ACER3: variants seen among roughly 807,000 people sequenced by gnomAD.
ACER3 encodes alkaline ceramidase 3.
In ACER3, 16 loss-of-function variants were observed where a neutral mutation model predicts 48.9. That is an observed-to-expected ratio of 0.33 (90% confidence interval 0.22 to 0.50). The LOEUF is 0.50. Ranked by LOEUF, ACER3 falls within the 20% of genes least tolerant of loss-of-function variation. The pLI, the probability that ACER3 is intolerant of heterozygous loss-of-function variation, is 0.98. For synonymous variants in ACER3, 109 were observed against 107.8 expected, an observed-to-expected ratio of 1.01 and a Z score of -0.07; for missense variants, 227 against 326.0, an observed-to-expected ratio of 0.70 and a Z score of 2.34.
chr11:76,861,075 G>A lies in ACER3; in HGVS notation c.99G>A (p.Glu33=), dbSNP rs1391392217. The change falls in exon 1 of 11, where the codon GAG becomes GAA. Residue 33 remains glutamate, a synonymous_variant. Transcript: ENST00000532485. The part of the protein sequence containing the change: ...ENYSVTWYIA[E]FWNTVSNLIM... ...ACTCCGTGACCTGGTACATCGCCGA[G>A]TTCTGTGAGTGTGGCCTGAGGAGGG... is the stretch of plus-strand genomic sequence containing the variant. 6.5e-7 allele frequency: 1 copy of A among 1,544,060 alleles called. No homozygotes were observed. Among genetic ancestry groups the A allele is most frequent in the East Asian group, 2.5e-5 (1 of 40,422 alleles).
intron 2 of ACER3, among the ~76,000 whole-genome samples, chr11:76,933,589 A>G (rs1396917590): frequency 1.3e-5 from 2 of 152,018 alleles, no homozygotes; most frequent in African/African-American, 2.4e-5. Flanking sequence ...CAGAGAGCAC[A>G]GGGTTGGGGG....
In ACER3 at chr11:77,016,672, C is replaced by T. The variant is rs782066618; in HGVS notation, c.600-3C>T. ...ACGTGATTTTCTCCCTCTCTCCACA[C>T]AGGAACTTTCGAAAGAAGGTACCAC... On this transcript the variant is annotated splice_polypyrimidine_tract_variant and splice_region_variant and intron_variant, in intron 8 of 10. Transcript: ENST00000532485. The T allele has an allele frequency of 2.6e-5, 40 of 1,533,992 alleles. No individual in the cohort carries two copies. In the South Asian group the frequency reaches 4.0e-4, roughly 15 times the overall value.
At chr11:76,923,550 G>A (rs1565179114) in intron 1 of ACER3, among the ~76,000 whole-genome samples, 4 of 151,962 alleles carry the variant, frequency 2.6e-5, no homozygotes, top group Admixed American at 2.0e-4. Context: ...ACCTGACATC[G>A]TGCTTTTTTT....
intron 1 of ACER3, among the ~76,000 whole-genome samples, chr11:76,924,708 T>C (rs1946772328): frequency 6.6e-6 from 1 of 152,088 alleles, no homozygotes; most frequent in South Asian, 2.1e-4. Flanking sequence ...ACTAAATAAG[T>C]AGTTAGGATG....
intron 2 of ACER3, among the ~76,000 whole-genome samples, chr11:76,951,842 T>G (rs545124432): frequency 6.6e-6 from 1 of 152,308 alleles, no homozygotes; most frequent in Admixed American, 6.5e-5. Context: ...TGACAGCCCT[T>G]TAAAATACAT....
chr11:76,920,542 T>C (rs1477350945), intron 1 of ACER3, among the ~76,000 whole-genome samples: 1 of 152,170 alleles, frequency 6.6e-6, no homozygotes. Context: ...GAGTTTTCTT[T>C]ACTTGTGACT....
chr11:76,936,304 C>T (rs939924317), intron 2 of ACER3, among the ~76,000 whole-genome samples: 1 of 152,188 alleles, frequency 6.6e-6, no homozygotes, highest in African/African-American at 2.4e-5. Flanking sequence ...AAGATGACAT[C>T]TCTAGTCACT....
intron 3 of ACER3, among the ~76,000 whole-genome samples, chr11:76,966,143 G>C (rs1257704414): frequency 6.6e-6 from 1 of 152,026 alleles, no homozygotes; most frequent in African/African-American, 2.4e-5. Flanking sequence ...AACAAAAAAA[G>C]GCAGGGGTTG....
intron 1 of ACER3, among the ~76,000 whole-genome samples, chr11:76,878,988 C>A (rs1370573023): frequency 6.6e-6 from 1 of 151,976 alleles, no homozygotes; most frequent in Non-Finnish European, 1.5e-5. Flanking sequence ...CTTTTCAAAT[C>A]TTTTGCCCAT....
intron 3 of ACER3, among the ~76,000 whole-genome samples, chr11:76,964,182 G>A (rs748036726): frequency 5.9e-5 from 9 of 151,404 alleles, no homozygotes; most frequent in East Asian, 1.9e-4. Context: ...CACCTGGCTC[G>A]GAGGGTCCTA....
intron 1 of ACER3, among the ~76,000 whole-genome samples, chr11:76,875,831 G>C (rs117235115): frequency 0.045 from 6,571 of 145,230 alleles, 191 homozygotes; most frequent in Non-Finnish European, 0.068. Context: ...CCCGTCCCAG[G>C]TTCAAACGAT....
At chr11:77,008,889 T>G (rs1256769968) in intron 7 of ACER3, among the ~76,000 whole-genome samples, 1 of 152,006 alleles carries the variant, frequency 6.6e-6, no homozygotes, top group East Asian at 1.9e-4. Flanking sequence ...AGACCTAGTC[T>G]ATACAAAAAG....
intron 7 of ACER3, among the ~76,000 whole-genome samples, chr11:77,010,014 C>A (rs534379428): frequency 2.6e-5 from 4 of 152,114 alleles, no homozygotes; most frequent in Admixed American, 2.0e-4. Context: ...GGTATATTGT[C>A]AGTGAAGAGC....
At chr11:76,971,641 G>A (rs547403820) in intron 3 of ACER3, among the ~76,000 whole-genome samples, 2 of 152,082 alleles carry the variant, frequency 1.3e-5, no homozygotes, top group African/African-American at 4.8e-5. Context: ...AAACTCAAAC[G>A]GTCAGAAGAT....
chr11:76,877,702 C>G (rs1945420353), intron 1 of ACER3, among the ~76,000 whole-genome samples: 1 of 152,070 alleles, frequency 6.6e-6, no homozygotes, highest in Admixed American at 6.6e-5. Flanking sequence ...GAGGACAGTC[C>G]TTTGGTTAAG....
intron 1 of ACER3, among the ~76,000 whole-genome samples, chr11:76,867,677 T>C (rs7933351): frequency 0.71 from 107,041 of 151,802 alleles, 38,031 homozygotes; most frequent in Non-Finnish European, 0.74. Context: ...AATAAATAAA[T>C]AAAAGAAAGC....
chr11:76,993,554 G>T (rs1470849045), intron 6 of ACER3, among the ~76,000 whole-genome samples: 1 of 152,186 alleles, frequency 6.6e-6, no homozygotes, highest in African/African-American at 2.4e-5. Flanking sequence ...GACTCATAGA[G>T]GGGCTTCAGG....
chr11:76,878,591 C>G (rs887147307), intron 1 of ACER3, among the ~76,000 whole-genome samples: 1 of 152,016 alleles, frequency 6.6e-6, no homozygotes, highest in Non-Finnish European at 1.5e-5. Flanking sequence ...TGACAGATAC[C>G]TGGGCTGTTC....
rs549821813 is a variant in ACER3 at position 77,020,406 on chromosome 11, C to T, written c.*79C>T. 2.0e-6 allele frequency: 3 copies of T among 1,492,236 alleles called. No individual in the cohort carries two copies. Among genetic ancestry groups the T allele is most frequent in the African/African-American group, 1.4e-5 (1 of 71,700 alleles). The allele number at this position is 1,492,236 out of a possible 1,614,324, so 92.4% of individuals were successfully genotyped here. ...AAATAAGGAAATCCTTAAAGATCTACAAGTTCAAATATGTCATGACCATCA... is the reference window on the plus strand; with the variant it reads ...AAATAAGGAAATCCTTAAAGATCTATAAGTTCAAATATGTCATGACCATCA... On this transcript the variant is annotated 3_prime_UTR_variant, in exon 11 of 11. Coordinates refer to ENST00000532485, the MANE Select transcript of ACER3 (RefSeq NM_018367.7).
Sources: gnomAD v4.1 joint callset for allele counts (sites outside exome capture counted in the v4.1 genomes callset) on GRCh38, gnomAD v4.1.1 for gene constraint, MANE v1.5 for transcripts, NCBI Gene and HGNC (gene_info 2026-07-23, HGNC 2026-07-21) for gene names.